The following THSD7A variants were observed in gnomAD, a reference collection of about 807,000 sequenced individuals.
THSD7A encodes the protein thrombospondin type-1 domain-containing protein 7A.
A neutral mutation model predicts 231.3 loss-of-function variants in THSD7A; 96 were observed. The observed-to-expected ratio is 0.41, with a 90% CI of 0.35 to 0.49. The LOEUF (loss-of-function observed/expected upper bound fraction) is 0.49, where lower values mean the gene tolerates loss of function less well. Ranked by LOEUF, THSD7A falls within the 20% of genes least tolerant of loss-of-function variation. The pLI, the probability that THSD7A is intolerant of heterozygous loss-of-function variation, is 0.05. For missense variants in THSD7A, 2,290 were observed against 2,070.2 expected (o/e 1.11, Z -2.06); for synonymous variants, 940 against 743.3 (o/e 1.26, Z -4.30).
chr7:11,635,653 T>A (rs17164960), intron 2 of THSD7A, among the ~76,000 whole-genome samples: 14,953 of 152,088 alleles, frequency 0.098, 2,053 homozygotes, highest in African/African-American at 0.3. Flanking sequence ...TGCAAGAAAA[T>A]TATTCTTAGG....
At chr7:11,824,011 A>C (rs1198045548) in intron 1 of THSD7A, among the ~76,000 whole-genome samples, 1 of 152,170 alleles carries the variant, frequency 6.6e-6, no homozygotes, top group East Asian at 1.9e-4. Flanking sequence ...ACAATGCACA[A>C]AACAGAAACA....
rs190376777 is a variant in THSD7A, at chr7:11,531,547, T to A, written c.1822+9872A>T. On this transcript the variant is annotated intron_variant, in intron 6 of 27. Transcript: ENST00000423059. ...AGTCCAAGCATTTTCTACCTCTGGGTCTTGCATTTAATGTTCCTTCTGCCC... is the reference window on the plus strand; with the variant it reads ...AGTCCAAGCATTTTCTACCTCTGGGACTTGCATTTAATGTTCCTTCTGCCC... 3.9e-3 allele frequency among the ~76,000 whole-genome samples: 593 copies of A among 152,300 alleles called. 3 individuals are homozygous for A. Among genetic ancestry groups the A allele is most frequent in the Non-Finnish European group, 7.1e-3 (480 of 68,022 alleles).
intron 1 of THSD7A, among the ~76,000 whole-genome samples, chr7:11,818,986 A>C (rs2128186429): frequency 6.6e-6 from 1 of 152,284 alleles, no homozygotes; most frequent in African/African-American, 2.4e-5. Flanking sequence ...CCGCCAGCTA[A>C]GAGTTGGCTA....
At chr7:11,470,817 ATATAT>A (rs1002997309) in intron 8 of THSD7A, among the ~76,000 whole-genome samples, 1 of 151,896 alleles carries the variant, frequency 6.6e-6, no homozygotes, top group African/African-American at 2.4e-5. Context: ...AACAGCAAAA[ATATAT>A]TATTTATTGG....
intron 16 of THSD7A, among the ~76,000 whole-genome samples, chr7:11,419,722 TGGAACTTCC>T (rs1784080262): frequency 6.6e-6 from 1 of 152,212 alleles, no homozygotes; most frequent in South Asian, 2.1e-4. Flanking sequence ...ACGGAACGTT[TGGAACTTCC>T]TAAAGACTTG....
intron 4 of THSD7A, among the ~76,000 whole-genome samples, chr7:11,543,418 T>G (rs1335422600): frequency 6.6e-6 from 1 of 152,194 alleles, no homozygotes; most frequent in Non-Finnish European, 1.5e-5. Context: ...TGCAAAATAT[T>G]CCTTAAGGTT....
At chr7:11,668,350 G>A (rs137944240) in intron 1 of THSD7A, among the ~76,000 whole-genome samples, 6,032 of 151,946 alleles carry the variant, frequency 0.04, 394 homozygotes, top group African/African-American at 0.14. Context: ...ACCGGGAGGC[G>A]GAGGTTGCAG....
chr7:11,614,093 A>G (rs1781025698), intron 2 of THSD7A, among the ~76,000 whole-genome samples: 1 of 152,178 alleles, frequency 6.6e-6, no homozygotes, highest in Non-Finnish European at 1.5e-5. Context: ...TGAAGTTGGG[A>G]TGTTTTAACT....
At chr7:11,714,842 A>G (rs1781082073) in intron 1 of THSD7A, among the ~76,000 whole-genome samples, 1 of 151,384 alleles carries the variant, frequency 6.6e-6, no homozygotes, top group Admixed American at 6.6e-5. Context: ...AAGGAATTCC[A>G]AGATTGCAAA....
chr7:11,788,170 A>G (rs1783846941), intron 1 of THSD7A, among the ~76,000 whole-genome samples: 1 of 152,016 alleles, frequency 6.6e-6, no homozygotes, highest in South Asian at 2.1e-4. Flanking sequence ...TGAACCCACC[A>G]TATTTGTGTC....
rs562885625 is a variant in THSD7A at position 11,626,512 on chromosome 7, G to A, written c.1022+9618C>T. On this transcript the variant is annotated intron_variant, in intron 2 of 27. Transcript: ENST00000423059. ...CCTGTCCATGATGAGATAATCATACGCTGGGATGTAAGAAGTGACCCTGGT... is the reference window on the plus strand; with the variant it reads ...CCTGTCCATGATGAGATAATCATACACTGGGATGTAAGAAGTGACCCTGGT... Among the ~76,000 whole-genome samples the A allele has an allele frequency of 1.4e-3, 210 of 152,208 alleles. 1 individual carries two copies. The highest frequency in any genetic ancestry group is 4.8e-3 in the African/African-American group (198 of 41,542).
intron 1 of THSD7A, chr7:11,821,056 C>T: frequency 1.0e-6 from 1 of 990,862 alleles, no homozygotes; most frequent in East Asian, 2.4e-5. Flanking sequence ...CGAGCCAAAC[C>T]ATGTTTTATG....
intron 4 of THSD7A, among the ~76,000 whole-genome samples, chr7:11,552,221 C>T (rs1482412843): frequency 6.6e-6 from 1 of 151,912 alleles, no homozygotes; most frequent in Non-Finnish European, 1.5e-5. Context: ...GAGTACTATG[C>T]TCATTACCTG....
chr7:11,438,973 CTT>C (rs1451607907), intron 13 of THSD7A, among the ~76,000 whole-genome samples: 1 of 151,874 alleles, frequency 6.6e-6, no homozygotes, highest in Non-Finnish European at 1.5e-5. Flanking sequence ...TTTATGTTCT[CTT>C]TGCAATTTTA....
At chr7:11,759,837 T>C (rs1443932932) in intron 1 of THSD7A, among the ~76,000 whole-genome samples, 2 of 152,114 alleles carry the variant, frequency 1.3e-5, no homozygotes, top group Non-Finnish European at 2.9e-5. Flanking sequence ...TGAGATAGTT[T>C]ACAAACTGCA....
chr7:11,772,555 T>C (rs1471073766), intron 1 of THSD7A, among the ~76,000 whole-genome samples: 1 of 152,030 alleles, frequency 6.6e-6, no homozygotes, highest in East Asian at 1.9e-4. Flanking sequence ...AAAAAAGAAA[T>C]CATGTCCTTT....
intron 13 of THSD7A, among the ~76,000 whole-genome samples, chr7:11,441,614 T>C (rs964927823): frequency 2.0e-5 from 3 of 152,086 alleles, no homozygotes; most frequent in Non-Finnish European, 2.9e-5. Context: ...CTTGAGAGGA[T>C]AGCAACAATT....
chr7:11,644,945 C>A (rs1782222904), intron 1 of THSD7A, among the ~76,000 whole-genome samples: 1 of 151,764 alleles, frequency 6.6e-6, no homozygotes, highest in South Asian at 2.1e-4. Flanking sequence ...ATTTTAAAGT[C>A]TTCATGTATC....
chr7:11,514,133 A>C (rs990674640), intron 6 of THSD7A, among the ~76,000 whole-genome samples: 1 of 151,572 alleles, frequency 6.6e-6, no homozygotes, highest in Non-Finnish European at 1.5e-5. Flanking sequence ...TAAATATTCC[A>C]CCTCCGAGAG....
Sources: gnomAD v4.1 joint callset for allele counts (sites outside exome capture counted in the v4.1 genomes callset) on GRCh38, gnomAD v4.1.1 for gene constraint, MANE v1.5 for transcripts, NCBI Gene and HGNC (gene_info 2026-07-23, HGNC 2026-07-21) for gene names.